Variants in ATP2C1 observed in about 807,000 individuals in gnomAD.
ATP2C1 encodes the protein calcium-transporting ATPase type 2C member 1.
Under a neutral mutation model 120.5 loss-of-function variants are expected in ATP2C1, and 31 were observed. The ratio of observed to expected loss-of-function variants is 0.26; its 90% CI spans 0.19 to 0.35. The LOEUF is 0.35. Ranked by LOEUF, ATP2C1 falls within the 10% of genes least tolerant of loss-of-function variation. The probability of loss-of-function intolerance (pLI) is 1.00; values close to 1 mark genes in which losing one functional copy is unlikely to be tolerated. For synonymous variants in ATP2C1, 351 were observed against 358.7 expected, an observed-to-expected ratio of 0.98 and a Z score of 0.24; for missense variants, 731 against 1,107.5, an observed-to-expected ratio of 0.66 and a Z score of 4.83.
downstream of ATP2C1, among the ~76,000 whole-genome samples, chr3:131,004,328 C>A (rs534842919): frequency 6.6e-6 from 1 of 152,200 alleles, no homozygotes; most frequent in East Asian, 1.9e-4. Flanking sequence ...CGTGATTGGA[C>A]AGACAGATCA....
chr3:130,860,902 A>G (rs545965974), intron 1 of ATP2C1, among the ~76,000 whole-genome samples: 1 of 152,354 alleles, frequency 6.6e-6, no homozygotes, highest in East Asian at 1.9e-4. Flanking sequence ...ATAGGTGGAA[A>G]TACAGGTTTT....
chr3:130,857,245 GC>G (rs2067871148), intron 1 of ATP2C1, among the ~76,000 whole-genome samples: 1 of 152,208 alleles, frequency 6.6e-6, no homozygotes, highest in African/African-American at 2.4e-5. Context: ...TCTACAAGAT[GC>G]CTGAGAGTTA....
intron 20 of ATP2C1, among the ~76,000 whole-genome samples, chr3:130,988,856 C>G (rs1486216815): frequency 6.6e-6 from 1 of 152,176 alleles, no homozygotes; most frequent in African/African-American, 2.4e-5. Context: ...GACCAAGTCT[C>G]CACTTCAGTC....
Position 131,013,034 on chromosome 3 carries a change from A to T in ATP2C1, c.2630-3118A>T, listed in dbSNP as rs1333392706. On this transcript the variant is annotated intron_variant, in intron 26 of 26. Coordinates refer to the ATP2C1 transcript ENST00000328560. ...GGAATATACCAGTGGGAGAGTACAG[A>T]AGGAAGAACACAATTTGTATGAATA... Among the ~76,000 whole-genome samples the T allele has an allele frequency of 9.2e-5, 14 of 152,246 alleles. No homozygotes were observed. The East Asian group carries it at 2.7e-3, about 29-fold the overall frequency.
intron 8 of ATP2C1, among the ~76,000 whole-genome samples, chr3:130,952,867 G>A (rs1306445713): frequency 6.6e-6 from 1 of 152,174 alleles, no homozygotes; most frequent in Admixed American, 6.5e-5. Flanking sequence ...TGTGTTTGAG[G>A]TGGAGCAAAG....
At chr3:130,895,836 A>G (rs1169660457) in intron 2 of ATP2C1, among the ~76,000 whole-genome samples, 1 of 152,188 alleles carries the variant, frequency 6.6e-6, no homozygotes, top group Non-Finnish European at 1.5e-5. Context: ...TATGTAGGGA[A>G]TATGATGAGA....
At position 130,987,461 on chromosome 3, in the gene ATP2C1, G is replaced by A. The variant is rs184828964; in HGVS notation, c.1840-5490G>A. ...CCCTCATGACTCAGTCTCCTGAGTA[G>A]CTGGGACTACTGGCATATGCCACCA... On this transcript the variant is annotated intron_variant, in intron 20 of 27. Transcript: ENST00000510168. Among the ~76,000 whole-genome samples the A allele has an allele frequency of 2.7e-4, 41 of 152,230 alleles. No individual in the cohort carries two copies. The East Asian group carries it at 6.2e-3, about 23-fold the overall frequency.
intron 8 of ATP2C1, among the ~76,000 whole-genome samples, chr3:130,943,702 A>G (rs1217052968): frequency 6.6e-6 from 1 of 152,044 alleles, no homozygotes; most frequent in Non-Finnish European, 1.5e-5. Flanking sequence ...AACATTTTTT[A>G]TTCTCTCTAC....
chr3:130,933,844 G>A (rs1241577523), intron 4 of ATP2C1, among the ~76,000 whole-genome samples: 1 of 152,192 alleles, frequency 6.6e-6, no homozygotes, highest in African/African-American at 2.4e-5. Flanking sequence ...CTTTGGAGGT[G>A]GTGGCATGTA....
At position 130,883,465 on chromosome 3, in the gene ATP2C1, CT is replaced by C. The variant is rs71620096; in HGVS notation, c.108+32549del. Among the ~76,000 whole-genome samples, 9 of 83,214 alleles carry C rather than the reference CT, an allele frequency of 1.1e-4. No homozygotes were observed. The South Asian group carries it at 1.7e-3, about 16-fold the overall frequency. 54.6% of individuals were successfully genotyped at this position (83,214 alleles called of 152,430 possible). A position where few individuals can be genotyped will look rare whatever the true frequency, so the allele number is the denominator to read the frequency against. On this transcript the variant is annotated intron_variant, in intron 1 of 26. Coordinates refer to the ATP2C1 transcript ENST00000504381. ...TTTATTTGAAGTCTTTCTTCTCCTT[CT>C]TTTTTTTTTTTCTCCACAGAGTTTT...
In ATP2C1 at chr3:130,918,996, A is replaced by C. The variant is rs967308815; in HGVS notation, c.7-11420A>C. ...AACAGAGCAAGACTCCGTCTTAAAC[A>C]AACAAACAAACAAACAAAAAGCAGT... On this transcript the variant is annotated intron_variant, in intron 2 of 27. Transcript: ENST00000510168. 1.2e-4 allele frequency: 52 copies of C among 422,728 alleles called. 2 individuals are homozygous for C. Among genetic ancestry groups the C allele is most frequent in the Non-Finnish European group, 4.6e-6 (1 of 215,596 alleles). 26.2% of individuals were successfully genotyped at this position (422,728 alleles called of 1,614,324 possible).
At chr3:130,946,585 A>G (rs1049327523) in intron 8 of ATP2C1, among the ~76,000 whole-genome samples, 4 of 152,194 alleles carry the variant, frequency 2.6e-5, no homozygotes, top group African/African-American at 9.7e-5. Flanking sequence ...ACCCGCTAAC[A>G]AGCAGCTTCC....
chr3:130,989,254 AAAAAAAAC>A (rs1428778394), intron 20 of ATP2C1, among the ~76,000 whole-genome samples: 1 of 147,366 alleles, frequency 6.8e-6, no homozygotes, highest in African/African-American at 2.6e-5. Context: ...TCTCAAAAAA[AAAAAAAAC>A]AAAAAAACAA....
chr3:130,925,698 T>C (rs1309708694), intron 2 of ATP2C1, among the ~76,000 whole-genome samples: 1 of 152,070 alleles, frequency 6.6e-6, no homozygotes, highest in African/African-American at 2.4e-5. Flanking sequence ...GATTATGACC[T>C]TTGTCTTTGG....
At chr3:130,931,496 G>C (rs1313583332) in intron 3 of ATP2C1, among the ~76,000 whole-genome samples, 1 of 152,002 alleles carries the variant, frequency 6.6e-6, no homozygotes, top group Non-Finnish European at 1.5e-5. Flanking sequence ...GAACAAGGAA[G>C]ACATTTATGG....
chr3:130,908,694 ACTC>A (rs144820756), intron 2 of ATP2C1, among the ~76,000 whole-genome samples: 8,498 of 151,768 alleles, frequency 0.056, 315 homozygotes, highest in Non-Finnish European at 0.087. Flanking sequence ...AATTAATACT[ACTC>A]TTTAGGAATA....
chr3:130,992,875 A>G, intron 20 of ATP2C1, 76 bp from the exon 21 acceptor site: 1 of 1,184,578 alleles, frequency 8.4e-7, no homozygotes, highest in East Asian at 2.4e-5. Flanking sequence ...GTTTTTCATC[A>G]TTAGTTATGA....
upstream of ATP2C1, among the ~76,000 whole-genome samples, chr3:130,893,333 C>T (rs2069258213): frequency 1.3e-5 from 2 of 152,168 alleles, no homozygotes; most frequent in Non-Finnish European, 2.9e-5. Context: ...GTTCCATATA[C>T]CACAAACGAA....
intron 20 of ATP2C1, among the ~76,000 whole-genome samples, chr3:130,982,200 T>A (rs2061798457): frequency 6.6e-6 from 1 of 152,250 alleles, no homozygotes; most frequent in Non-Finnish European, 1.5e-5. Context: ...TTTGTATATG[T>A]TGTAATGGGT....
Sources: gnomAD v4.1 joint callset for allele counts (sites outside exome capture counted in the v4.1 genomes callset) on GRCh38, gnomAD v4.1.1 for gene constraint, MANE v1.5 for transcripts, NCBI Gene and HGNC (gene_info 2026-07-23, HGNC 2026-07-21) for gene names.